The following DSE variants were observed in gnomAD, a reference collection of about 807,000 sequenced individuals.
DSE encodes dermatan sulfate epimerase.
DSE carries 36 observed loss-of-function variants against 84.4 expected under a neutral mutation model. The observed-to-expected ratio is 0.43, with a 90% CI of 0.33 to 0.56. The LOEUF (loss-of-function observed/expected upper bound fraction) is 0.56. Ranked by LOEUF, DSE falls within the 20% of genes least tolerant of loss-of-function variation. The probability of loss-of-function intolerance (pLI) is 0.06; values close to 1 mark genes in which losing one functional copy is unlikely to be tolerated. For synonymous variants in DSE, 410 were observed against 430.1 expected (o/e 0.95, Z 0.58); for missense variants, 862 against 1,169.6 (o/e 0.74, Z 3.84).
At chr6:116,388,002 G>A (rs1780671365) in intron 1 of DSE, among the ~76,000 whole-genome samples, 1 of 152,180 alleles carries the variant, frequency 6.6e-6, no homozygotes, top group Non-Finnish European at 1.5e-5. Flanking sequence ...GGCTTGGCCT[G>A]AGCAGCTTTA....
At chr6:116,304,623 T>G (rs1775236690) in intron 2 of DSE, among the ~76,000 whole-genome samples, 1 of 152,212 alleles carries the variant, frequency 6.6e-6, no homozygotes, top group South Asian at 2.1e-4. Flanking sequence ...TTGGAAATTC[T>G]GGTTGGGGGA....
chr6:116,280,028 C>G, intron 2 of DSE: 1 of 715,432 alleles, frequency 1.4e-6, no homozygotes, highest in Non-Finnish European at 2.5e-6. Flanking sequence ...GCCAGCCAAC[C>G]GGATTCTCTG....
chr6:116,364,828 CTT>C (rs1211909933), intron 2 of DSE, among the ~76,000 whole-genome samples: 34 of 131,166 alleles, frequency 2.6e-4, no homozygotes, highest in African/African-American at 2.6e-4. Flanking sequence ...TTTAGTAACA[CTT>C]TTTTTTTTTT....
At chr6:116,380,585 C>T (rs1780164137) in intron 1 of DSE, among the ~76,000 whole-genome samples, 1 of 152,152 alleles carries the variant, frequency 6.6e-6, no homozygotes, top group African/African-American at 2.4e-5. Flanking sequence ...AGGAGAACTT[C>T]AGGGAAAAGT....
chr6:116,330,918 G>A (rs957520285), intron 2 of DSE, among the ~76,000 whole-genome samples: 1 of 152,062 alleles, frequency 6.6e-6, no homozygotes, highest in Non-Finnish European at 1.5e-5. Context: ...CATACAACAT[G>A]TATATATGAA....
intron 2 of DSE, among the ~76,000 whole-genome samples, chr6:116,357,300 A>C (rs1031663530): frequency 6.6e-6 from 1 of 152,186 alleles, no homozygotes; most frequent in Non-Finnish European, 1.5e-5. Context: ...TGGGAGGCCA[A>C]GGCGGGTGGA....
rs1253867768 is a variant in DSE at position 116,336,898 on chromosome 6, TTAAA to T, written c.-53-62296_-53-62293del. Among the ~76,000 whole-genome samples the T allele has an allele frequency of 3.3e-5, 5 of 152,222 alleles. No homozygotes were observed. In the East Asian group the frequency reaches 7.7e-4, roughly 23 times the overall value. On this transcript the variant is annotated intron_variant, in intron 2 of 3. Transcript: ENST00000430252. Reference sequence around the variant, plus strand: ...TACTAAATTCAGCTTTCAAGAATCATTAAATAATAATTTTATTGTCAGCACTATA... The same window carrying T: ...TACTAAATTCAGCTTTCAAGAATCATTAATAATTTTATTGTCAGCACTATA...
chr6:116,389,437 C>G (rs1453812129), intron 1 of DSE, among the ~76,000 whole-genome samples: 1 of 151,990 alleles, frequency 6.6e-6, no homozygotes, highest in Admixed American at 6.6e-5. Flanking sequence ...CATTTAATCT[C>G]CCAACCAGTC....
intron 2 of DSE, among the ~76,000 whole-genome samples, chr6:116,261,258 C>T (rs1488916000): frequency 1.3e-5 from 2 of 152,002 alleles, no homozygotes; most frequent in Non-Finnish European, 2.9e-5. Context: ...GACAGAGTCT[C>T]ACTCTGTCAC....
chr6:116,329,936 G>A (rs1284299981), intron 2 of DSE, among the ~76,000 whole-genome samples: 4 of 152,190 alleles, frequency 2.6e-5, no homozygotes, highest in African/African-American at 7.2e-5. Context: ...TGATTGTCCT[G>A]CCTCAGCCTC....
intron 2 of DSE, among the ~76,000 whole-genome samples, chr6:116,282,015 A>G (rs1773573249): frequency 6.6e-6 from 1 of 152,270 alleles, no homozygotes; most frequent in South Asian, 2.1e-4. Flanking sequence ...GTCACACTGT[A>G]TGACAAACGA....
chr6:116,315,083 C>T (rs1775890143), intron 2 of DSE, among the ~76,000 whole-genome samples: 1 of 152,196 alleles, frequency 6.6e-6, no homozygotes, highest in Non-Finnish European at 1.5e-5. Context: ...CCTGATTCAC[C>T]TCCTAACTCT....
chr6:116,431,090 C>G lies in DSE; in HGVS notation c.807C>G (p.Leu269=). ...VAYGSYTTRS[L]FQYMFLVQRH... Reference sequence around the variant, plus strand: ...ATGGCAGCTACACCACTAGATCACTCTTCCAATACATGTTTCTCGTCCAGA... The same window carrying G: ...ATGGCAGCTACACCACTAGATCACTGTTCCAATACATGTTTCTCGTCCAGA... The change falls in exon 4 of 6, where the codon CTC becomes CTG. Residue 269 remains leucine, a synonymous_variant. Transcript: ENST00000644252. 2 of 1,614,210 alleles carry G rather than the reference C, an allele frequency of 1.2e-6. No individual in the cohort carries two copies. Among genetic ancestry groups the G allele is most frequent in the Non-Finnish European group, 1.7e-6 (2 of 1,180,028 alleles).
chr6:116,276,116 A>C (rs1183595331), intron 2 of DSE, among the ~76,000 whole-genome samples: 1 of 152,230 alleles, frequency 6.6e-6, no homozygotes, highest in Non-Finnish European at 1.5e-5. Flanking sequence ...TGCATAAAGA[A>C]ACATTTATCT....
chr6:116,261,072 C>A (rs1478395819), intron 2 of DSE, among the ~76,000 whole-genome samples: 1 of 152,098 alleles, frequency 6.6e-6, no homozygotes, highest in African/African-American at 2.4e-5. Flanking sequence ...TTGCTTTGGG[C>A]AGTAGGACCA....
Position 116,440,915 on chromosome 6 carries a change from G to A in DSE, c.*3570G>A, listed in dbSNP as rs1784403675. The A allele has an allele frequency of 6.6e-6, 1 of 152,160 alleles. No homozygotes were observed. The highest frequency in any genetic ancestry group is 2.4e-5 in the African/African-American group (1 of 41,442). 9.4% of individuals were successfully genotyped at this position (152,160 alleles called of 1,614,324 possible). A position where few individuals can be genotyped will look rare whatever the true frequency, so the allele number is the denominator to read the frequency against. On this transcript the variant is annotated 3_prime_UTR_variant, in exon 6 of 6. Coordinates refer to ENST00000644252, the MANE Select transcript of DSE (RefSeq NM_013352.4). ...AGGAAAGCAAGCCTCAAGCAAGGGG[G>A]GCCTGATCCTTTCCCTGTTCGCTGT...
intron 2 of DSE, among the ~76,000 whole-genome samples, chr6:116,351,924 A>T (rs1212141304): frequency 1.3e-5 from 2 of 152,146 alleles, no homozygotes; most frequent in Non-Finnish European, 2.9e-5. Flanking sequence ...TGTCTTTTAC[A>T]TTTTATCATG....
At chr6:116,278,789 C>T in intron 2 of DSE, 1 of 1,614,170 alleles carries the variant, frequency 6.2e-7, no homozygotes, top group Non-Finnish European at 8.5e-7. Flanking sequence ...AGAGACACCA[C>T]TCGGCCGGAG....
intron 2 of DSE, among the ~76,000 whole-genome samples, chr6:116,423,325 A>G (rs925366610): frequency 2.0e-5 from 3 of 152,186 alleles, no homozygotes; most frequent in Admixed American, 2.0e-4. Flanking sequence ...TTTGTAGAAG[A>G]TTAGGGAAAA....
Sources: allele counts gnomAD v4.1 joint callset (sites outside exome capture counted in the v4.1 genomes callset), GRCh38; gene constraint gnomAD v4.1.1; transcripts MANE v1.5; gene names NCBI Gene and HGNC (gene_info 2026-07-23, HGNC 2026-07-21).